The following ETV1 variants were observed in gnomAD, a reference collection of about 807,000 sequenced individuals.
ETV1 encodes the protein ETS translocation variant 1.
In ETV1, 27 loss-of-function variants were observed where a neutral mutation model predicts 62.3. That is an observed-to-expected ratio of 0.43 (90% CI 0.32 to 0.60). The LOEUF (loss-of-function observed/expected upper bound fraction) is 0.60, where lower values mean the gene tolerates loss of function less well. Among genes scored for constraint, ETV1 ranks in the 20% least tolerant of loss-of-function variants. The pLI is 0.06. For missense variants in ETV1, 605 were observed against 605.8 expected, an observed-to-expected ratio of 1.00 and a Z score of 0.01; for synonymous variants, 222 against 199.6, an observed-to-expected ratio of 1.11 and a Z score of -0.94.
At chr7:13,941,878 TAAATAAATA>T (rs1195439598) in intron 6 of ETV1, among the ~76,000 whole-genome samples, 1 of 73,944 alleles carries the variant, frequency 1.4e-5, no homozygotes, top group Non-Finnish European at 3.5e-5. Context: ...AATAAATAAA[TAAATAAATA>T]AATAAATAAA....
At position 13,970,260 on chromosome 7, in the gene ETV1, C is replaced by CAAA. The variant is rs1226819391; in HGVS notation, c.235+7164_235+7166dup. ...TGGGCGACAGAGCGAGACCCCATCTCAAAACACACACACACACACACACAC... is the reference window on the plus strand; with the variant it reads ...TGGGCGACAGAGCGAGACCCCATCTCAAAAAAACACACACACACACACACACAC... On this transcript the variant is annotated intron_variant, in intron 6 of 13. Coordinates refer to ENST00000430479, the MANE Select transcript of ETV1 (RefSeq NM_004956.5). Among the ~76,000 whole-genome samples, 35 of 113,426 alleles carry CAAA rather than the reference C, an allele frequency of 3.1e-4. 1 individual carries two copies. The highest frequency in any genetic ancestry group is 5.3e-3 in the Middle Eastern group (1 of 190). The allele number at this position is 113,426 out of a possible 152,430, so 74.4% of individuals were successfully genotyped here.
chr7:13,977,544 C>T, intron 5 of ETV1, 64 bp from the exon 6 acceptor site: 4 of 1,095,668 alleles, frequency 3.7e-6, no homozygotes, highest in Non-Finnish European at 5.4e-6. Flanking sequence ...TAAGGAATGT[C>T]AAGTAAAATC....
chr7:13,893,444 T>C lies in ETV1; in HGVS notation c.*2422A>G, dbSNP rs1172846435. ...TGGAAATACACTTAATGTTGGTCAA[T>C]TATGTATTTAGTTCAGTGAGTCACT... is the stretch of plus-strand genomic sequence containing the variant. On this transcript the variant is annotated 3_prime_UTR_variant, in exon 14 of 14. Coordinates refer to ENST00000430479, the MANE Select transcript of ETV1 (RefSeq NM_004956.5). 3 of 230,722 alleles carry C rather than the reference T, an allele frequency of 1.3e-5. No individual in the cohort carries two copies. The East Asian group carries it at 1.9e-4, about 14-fold the overall frequency. 14.3% of individuals were successfully genotyped at this position (230,722 alleles called of 1,614,324 possible).
intron 13 of ETV1, 144 bp downstream of exon 13, chr7:13,900,594 T>C: frequency 1.7e-6 from 1 of 598,610 alleles, no homozygotes; most frequent in Non-Finnish European, 2.9e-6. Context: ...GAAAGGCTTG[T>C]AATACCAAAA....
In ETV1 at chr7:13,895,488, C is replaced by G; in HGVS notation, c.*378G>C. ...TTACACAACGTGAAATTAACTGTAC[C>G]ATAGATACCCCGATAAAATAAACAT... On this transcript the variant is annotated 3_prime_UTR_variant, in exon 14 of 14. Transcript: ENST00000430479. 1 of 261,532 alleles carries G rather than the reference C, an allele frequency of 3.8e-6. No individual in the cohort carries two copies. Among genetic ancestry groups the G allele is most frequent in the Non-Finnish European group, 7.5e-6 (1 of 134,220 alleles). The allele number at this position is 261,532 out of a possible 1,614,324, so 16.2% of individuals were successfully genotyped here.
chr7:13,977,782 G>C (rs1781602132), intron 5 of ETV1, among the ~76,000 whole-genome samples: 1 of 152,046 alleles, frequency 6.6e-6, no homozygotes, highest in South Asian at 2.1e-4. Context: ...GAAAGCTATA[G>C]AATTTCCATT....
In ETV1 at chr7:13,898,969, A is replaced by G. The variant is rs148231823; in HGVS notation, c.1212+1769T>C. Among the ~76,000 whole-genome samples, 332 of 152,340 alleles carry G rather than the reference A, an allele frequency of 2.2e-3. 1 individual carries two copies. In the Middle Eastern group the frequency reaches 0.037, roughly 17 times the overall value. On this transcript the variant is annotated intron_variant, in intron 13 of 13. Transcript: ENST00000430479. ...CATTGTGCCAGTTACAATGTAAAGT[A>G]TCTCAAGTACATTATTTCATTTAAT... is the stretch of plus-strand genomic sequence containing the variant.
At chr7:13,940,079 T>A (rs1021610329) in intron 6 of ETV1, among the ~76,000 whole-genome samples, 1 of 152,164 alleles carries the variant, frequency 6.6e-6, no homozygotes, top group Non-Finnish European at 1.5e-5. Context: ...AAACATGCTA[T>A]AGGCCGGGCG....
chr7:13,895,225 T>C lies in ETV1; in HGVS notation c.*641A>G, dbSNP rs1781657876. 4.3e-6 allele frequency: 1 copy of C among 233,506 alleles called. No individual in the cohort carries two copies. The highest frequency in any genetic ancestry group is 8.5e-6 in the Non-Finnish European group (1 of 118,006). 14.5% of individuals were successfully genotyped at this position (233,506 alleles called of 1,614,324 possible). A position where few individuals can be genotyped will look rare whatever the true frequency, so the allele number is the denominator to read the frequency against. ...CCCTCATTTACAGTCATGGTGATTATTCAACTTCAGAGAGAATTACCCATT... is the reference window on the plus strand; with the variant it reads ...CCCTCATTTACAGTCATGGTGATTACTCAACTTCAGAGAGAATTACCCATT... On this transcript the variant is annotated 3_prime_UTR_variant, in exon 14 of 14. Transcript: ENST00000430479.
chr7:13,935,812 A>C lies in ETV1; in HGVS notation c.450T>G (p.His150Gln). The C allele has an allele frequency of 6.2e-7, 1 of 1,613,920 alleles. No individual in the cohort carries two copies. The highest frequency in any genetic ancestry group is 8.5e-7 in the Non-Finnish European group (1 of 1,179,848). The part of the protein sequence containing the change: ...PSSTPVSPLH[H>Q]ASPNSTHTPK... Reference sequence around the variant, plus strand: ...GTGTATGAGTTGAGTTTGGAGATGCATGATGCAGTGGGGACACTGGCGTGC... The same window carrying C: ...GTGTATGAGTTGAGTTTGGAGATGCCTGATGCAGTGGGGACACTGGCGTGC... The change falls in exon 8 of 14, where the codon CAT becomes CAG. Residue 150 changes from histidine to glutamine, a missense_variant. His to Gln is a conservative substitution (Grantham distance 24). This residue lies in a region of ETV1 where 426 missense variants were observed against 377.8 expected (regional missense o/e 1.13). Transcript: ENST00000430479.
intron 6 of ETV1, among the ~76,000 whole-genome samples, chr7:13,942,485 G>A (rs1016750789): frequency 1.3e-5 from 2 of 152,038 alleles, no homozygotes; most frequent in African/African-American, 4.8e-5. Flanking sequence ...GGGGGTTTGT[G>A]GTACAGATTA....
intron 9 of ETV1, among the ~76,000 whole-genome samples, chr7:13,926,786 T>A (rs989980384): frequency 3.9e-5 from 6 of 152,182 alleles, no homozygotes; most frequent in Non-Finnish European, 4.4e-5. Flanking sequence ...CATACTGTAC[T>A]GGTTCATTAA....
chr7:13,953,139 G>T (rs896592137), intron 6 of ETV1, among the ~76,000 whole-genome samples: 2 of 152,152 alleles, frequency 1.3e-5, no homozygotes, highest in African/African-American at 4.8e-5. Flanking sequence ...AACAAATTCT[G>T]TACAGGGAGC....
chr7:13,936,294 G>A lies in ETV1; in HGVS notation c.366-398C>T, dbSNP rs1287074209. On this transcript the variant is annotated intron_variant, in intron 7 of 13. Coordinates refer to ENST00000430479, the MANE Select transcript of ETV1 (RefSeq NM_004956.5). ...ATATTATATTCTTCTTTTATATTATGTAAGATTTTAAAACAAGAACTAACA... is the reference window on the plus strand; with the variant it reads ...ATATTATATTCTTCTTTTATATTATATAAGATTTTAAAACAAGAACTAACA... Among the ~76,000 whole-genome samples, 5 of 152,176 alleles carry A rather than the reference G, an allele frequency of 3.3e-5. No individual in the cohort carries two copies. The East Asian group carries it at 9.7e-4, about 29-fold the overall frequency.
At chr7:13,919,023 T>C (rs1170324341) in intron 9 of ETV1, among the ~76,000 whole-genome samples, 1 of 152,168 alleles carries the variant, frequency 6.6e-6, no homozygotes, top group East Asian at 1.9e-4. Context: ...TAATGGCATC[T>C]TAATAAAGGA....
At chr7:13,986,552 T>C in intron 5 of ETV1, 86 bp downstream of exon 5, 5 of 1,590,600 alleles carry the variant, frequency 3.1e-6, no homozygotes, top group Non-Finnish European at 4.3e-6. Flanking sequence ...TTAATTGGGC[T>C]GAATATTAAG....
At chr7:13,974,202 A>C (rs1020203794) in intron 6 of ETV1, among the ~76,000 whole-genome samples, 2 of 152,228 alleles carry the variant, frequency 1.3e-5, no homozygotes, top group Non-Finnish European at 2.9e-5. Flanking sequence ...TAGGAGGTTC[A>C]CCAGATTGCA....
intron 6 of ETV1, among the ~76,000 whole-genome samples, chr7:13,942,839 T>C (rs1279709615): frequency 1.3e-5 from 2 of 152,186 alleles, no homozygotes; most frequent in East Asian, 1.9e-4. Context: ...GTAAAGTTTA[T>C]CATATTTATC....
At chr7:13,917,601 G>A (rs1784326493) in intron 9 of ETV1, among the ~76,000 whole-genome samples, 1 of 151,452 alleles carries the variant, frequency 6.6e-6, no homozygotes, top group African/African-American at 2.4e-5. Context: ...ACAGGGGTGA[G>A]CCACCGCGCC....
Sources: allele counts gnomAD v4.1 joint callset (sites outside exome capture counted in the v4.1 genomes callset), GRCh38; gene constraint gnomAD v4.1.1; regional missense constraint gnomAD v4.1.1; transcripts MANE v1.5; gene names NCBI Gene and HGNC (gene_info 2026-07-23, HGNC 2026-07-21).